Variants in BRINP1 observed in about 807,000 individuals in gnomAD.
The protein encoded by BRINP1 is BMP/retinoic acid-inducible neural-specific protein 1.
Under a neutral mutation model 72.9 loss-of-function variants are expected in BRINP1, and 17 were observed. The ratio of observed to expected loss-of-function variants is 0.23; its 90% CI spans 0.16 to 0.35. The LOEUF is 0.35. Among genes scored for constraint, BRINP1 ranks in the 10% least tolerant of loss-of-function variants. The pLI is 1.00. For missense variants in BRINP1, 850 were observed against 1,001.6 expected (o/e 0.85, Z 2.04); for synonymous variants, 418 against 378.5 (o/e 1.10, Z -1.21).
chr9:119,299,909 AACC>A (rs1448751911), intron 2 of BRINP1, among the ~76,000 whole-genome samples: 5 of 152,206 alleles, frequency 3.3e-5, no homozygotes, highest in African/African-American at 4.8e-5. Flanking sequence ...GGTGATCACC[AACC>A]TTATCCAAGA....
intron 1 of BRINP1, among the ~76,000 whole-genome samples, chr9:119,356,526 GGCAC>G (rs548871135): frequency 6.6e-5 from 10 of 152,136 alleles, no homozygotes; most frequent in Non-Finnish European, 1.2e-4. Flanking sequence ...TGTTTAGCTG[GGCAC>G]AGTGGTTCAC....
intron 2 of BRINP1, among the ~76,000 whole-genome samples, chr9:119,311,144 C>T (rs1564244991): frequency 6.6e-6 from 1 of 152,136 alleles, no homozygotes; most frequent in Non-Finnish European, 1.5e-5. Context: ...ACAGCAACTA[C>T]TATATTTATT....
At chr9:119,291,551 T>G (rs1830821753) in intron 2 of BRINP1, among the ~76,000 whole-genome samples, 1 of 152,216 alleles carries the variant, frequency 6.6e-6, no homozygotes, top group Non-Finnish European at 1.5e-5. Flanking sequence ...AGCCAGCTAA[T>G]TAGAAACTTT....
intron 1 of BRINP1, among the ~76,000 whole-genome samples, chr9:119,360,340 G>A (rs576541848): frequency 5.1e-4 from 77 of 152,156 alleles, no homozygotes; most frequent in Middle Eastern, 6.8e-3. Context: ...TGTTTTTGTC[G>A]TCCCAGCCCA....
At chr9:119,301,556 G>GCAC (rs1285122720) in intron 2 of BRINP1, among the ~76,000 whole-genome samples, 11 of 152,190 alleles carry the variant, frequency 7.2e-5, no homozygotes, top group African/African-American at 2.7e-4. Flanking sequence ...TAAAGGGCTA[G>GCAC]CATAAGAAAC....
intron 1 of BRINP1, among the ~76,000 whole-genome samples, chr9:119,337,774 G>C (rs1038032491): frequency 1.3e-5 from 2 of 152,208 alleles, no homozygotes; most frequent in Non-Finnish European, 2.9e-5. Context: ...TTCCACCTAA[G>C]CTCTGCCTCT....
intron 4 of BRINP1, 126 bp from the exon 5 acceptor site, chr9:119,238,886 T>C (rs1236820010): frequency 1.7e-6 from 1 of 586,850 alleles, no homozygotes; most frequent in African/African-American, 1.9e-5. Flanking sequence ...CAATGGTCAC[T>C]TTCTGAGCTT....
chr9:119,263,276 AG>A (rs1369174191), intron 2 of BRINP1, among the ~76,000 whole-genome samples: 3 of 152,218 alleles, frequency 2.0e-5, no homozygotes, highest in Non-Finnish European at 2.9e-5. Flanking sequence ...ACAAGCTCCC[AG>A]GTGACTCTTC....
chr9:119,368,941 G>C lies in BRINP1; in HGVS notation c.-51+115C>G. 2.6e-6 allele frequency: 1 copy of C among 381,346 alleles called. No individual in the cohort carries two copies. Among genetic ancestry groups the C allele is most frequent in the East Asian group, 3.7e-5 (1 of 26,928 alleles). The allele number at this position is 381,346 out of a possible 1,614,324, so 23.6% of individuals were successfully genotyped here. ...CGGCGGGGCGGCCAGGTGAAGAGCG[G>C]ACAAGGGTGCCGGTAGGGGGAGGGG... On this transcript the variant is annotated intron_variant, in intron 1 of 7. Transcript: ENST00000265922. The surrounding 1 kb of genome is among the most constrained non-coding windows in gnomAD (Gnocchi z 4.7).
At chr9:119,206,837 T>TG (rs1829862198) in intron 7 of BRINP1, among the ~76,000 whole-genome samples, 2 of 152,208 alleles carry the variant, frequency 1.3e-5, no homozygotes, top group Non-Finnish European at 2.9e-5. Flanking sequence ...TTCAGAGACT[T>TG]GCTCGTGGTA....
intron 2 of BRINP1, among the ~76,000 whole-genome samples, chr9:119,310,632 A>G (rs1831052181): frequency 6.6e-6 from 1 of 152,222 alleles, no homozygotes; most frequent in East Asian, 1.9e-4. Context: ...GGAGGAGGGA[A>G]CTGGTGGAAG....
At chr9:119,281,371 T>C (rs1033980961) in intron 2 of BRINP1, among the ~76,000 whole-genome samples, 4 of 151,760 alleles carry the variant, frequency 2.6e-5, no homozygotes, top group African/African-American at 9.7e-5. Flanking sequence ...TCTCTGTAGG[T>C]CTTTTAGCAT....
chr9:119,327,336 G>A (rs1831250479), intron 1 of BRINP1, among the ~76,000 whole-genome samples: 1 of 152,074 alleles, frequency 6.6e-6, no homozygotes. Flanking sequence ...AGTGTATGTT[G>A]TTCCCCTCCC....
chr9:119,356,083 C>T (rs1029896768), intron 1 of BRINP1, among the ~76,000 whole-genome samples: 1 of 152,080 alleles, frequency 6.6e-6, no homozygotes, highest in Admixed American at 6.5e-5. Context: ...CTTCTTTCTC[C>T]CCCTACTTCC....
chr9:119,338,235 TGTTTTTGTTTC>T (rs1233542722), intron 1 of BRINP1, among the ~76,000 whole-genome samples: 1 of 58,664 alleles, frequency 1.7e-5, no homozygotes, highest in Non-Finnish European at 3.5e-5. Context: ...TTTTTGTTTT[TGTTTTTGTTTC>T]TTTTTTTTTT....
chr9:119,295,668 T>C (rs1256744540), intron 2 of BRINP1, among the ~76,000 whole-genome samples: 6 of 152,058 alleles, frequency 3.9e-5, no homozygotes, highest in Admixed American at 2.0e-4. Flanking sequence ...CAAAACAGTA[T>C]GGTACTGGCA....
intron 1 of BRINP1, among the ~76,000 whole-genome samples, chr9:119,352,251 G>A (rs1156519912): frequency 6.6e-6 from 1 of 152,152 alleles, no homozygotes; most frequent in Non-Finnish European, 1.5e-5. Context: ...GTGTTATTAA[G>A]CATGACGTTT....
At chr9:119,315,098 TG>T (rs1831111983) in intron 1 of BRINP1, among the ~76,000 whole-genome samples, 1 of 152,220 alleles carries the variant, frequency 6.6e-6, no homozygotes, top group Non-Finnish European at 1.5e-5. Flanking sequence ...GAGCTATAGT[TG>T]CTCATTTTCT....
chr9:119,364,435 A>G (rs570593954), intron 1 of BRINP1, among the ~76,000 whole-genome samples: 2 of 152,316 alleles, frequency 1.3e-5, no homozygotes, highest in Admixed American at 1.3e-4. Flanking sequence ...TGAAAACAGA[A>G]AAGTTTGGTC....
Sources: gnomAD v4.1 joint callset for allele counts (sites outside exome capture counted in the v4.1 genomes callset) on GRCh38, gnomAD v4.1.1 for gene constraint, Gnocchi (gnomAD v3.1) non-coding constraint, MANE v1.5 for transcripts, NCBI Gene and HGNC (gene_info 2026-07-23, HGNC 2026-07-21) for gene names.